The following NDC80 variants were observed in gnomAD, a reference collection of about 807,000 sequenced individuals.
NDC80 encodes the protein kinetochore protein NDC80 homolog.
A neutral mutation model predicts 89.3 loss-of-function variants in NDC80; 69 were observed. The observed-to-expected ratio is 0.77, with a 90% CI of 0.64 to 0.94. The LOEUF is 0.94. NDC80 is among the 40% of genes least tolerant of loss of function. The probability of loss-of-function intolerance (pLI) is 0.00; values close to 1 mark genes in which losing one functional copy is unlikely to be tolerated. For synonymous variants in NDC80, 243 were observed against 255.6 expected (o/e 0.95, Z 0.47); for missense variants, 593 against 739.6 (o/e 0.80, Z 2.30).
chr18:2,586,058 T>C (rs2072601638), intron 7 of NDC80, among the ~76,000 whole-genome samples: 1 of 152,226 alleles, frequency 6.6e-6, no homozygotes, highest in South Asian at 2.1e-4. Context: ...TAATACTTCC[T>C]AGCATACATA....
intron 6 of NDC80, among the ~76,000 whole-genome samples, chr18:2,579,969 G>A (rs2072567744): frequency 6.6e-6 from 1 of 151,996 alleles, no homozygotes; most frequent in South Asian, 2.1e-4. Flanking sequence ...GTATATGTGT[G>A]TATGTATATA....
intron 5 of NDC80, 86 bp downstream of exon 5, chr18:2,578,227 C>T (rs1485530502): frequency 2.3e-6 from 3 of 1,324,228 alleles, no homozygotes; most frequent in Non-Finnish European, 3.1e-6. Context: ...GTTTGAGTTA[C>T]AGAAATAATA....
chr18:2,576,014 A>G (rs2072544763), intron 3 of NDC80, among the ~76,000 whole-genome samples: 1 of 149,804 alleles, frequency 6.7e-6, no homozygotes, highest in African/African-American at 2.4e-5. Flanking sequence ...CAGGAGGTTT[A>G]CTTGAGCCCA....
chr18:2,578,195 A>C, intron 5 of NDC80, 54 bp downstream of exon 5: 1 of 1,494,762 alleles, frequency 6.7e-7, no homozygotes, highest in South Asian at 1.2e-5. Flanking sequence ...GAGATGAAAC[A>C]AATTAAATCA....
At chr18:2,593,150 G>T (rs886673614) in intron 10 of NDC80, among the ~76,000 whole-genome samples, 2 of 150,846 alleles carry the variant, frequency 1.3e-5, no homozygotes, top group African/African-American at 4.9e-5. Flanking sequence ...TGTCTCCTGG[G>T]TTCAAGCGAT....
chr18:2,594,631 G>A lies in NDC80; in HGVS notation c.1016-785G>A, dbSNP rs149657732. On this transcript the variant is annotated intron_variant, in intron 10 of 16. Transcript: ENST00000261597. ...AAGTCAGTTCATTTTCTCATTTGCC[G>A]TGGCACAATCCCCACTTCTAGGCAA... 1,464 of 157,372 alleles carry A rather than the reference G, an allele frequency of 9.3e-3. 20 individuals are homozygous for A. Among genetic ancestry groups the A allele is most frequent in the Non-Finnish European group, 0.016 (1,138 of 69,952 alleles). The allele number at this position is 157,372 out of a possible 1,614,324, so 9.7% of individuals were successfully genotyped here. A position where few individuals can be genotyped will look rare whatever the true frequency, so the allele number is the denominator to read the frequency against.
chr18:2,615,315 G>A (rs542943906), intron 16 of NDC80: 3 of 152,300 alleles, frequency 2.0e-5, no homozygotes, highest in South Asian at 2.1e-4. Context: ...AGTTATTAAG[G>A]TTAGTCTAAA....
At chr18:2,610,706 G>A (rs536971324) in intron 15 of NDC80, 53 bp from the exon 16 acceptor site, 9 of 1,193,808 alleles carry the variant, frequency 7.5e-6, no homozygotes, top group Middle Eastern at 2.0e-4. Context: ...TAACTAGAAC[G>A]GATGTATTAA....
intron 14 of NDC80, among the ~76,000 whole-genome samples, chr18:2,607,998 T>TAAAA (rs1555618991): frequency 7.9e-6 from 1 of 126,932 alleles, no homozygotes; most frequent in Non-Finnish European, 1.7e-5. Context: ...TATATATATA[T>TAAAA]AACTTATTTA....
Position 2,596,641 on chromosome 18 carries a change from A to G in NDC80, c.1221+1020A>G, listed in dbSNP as rs1467815615. On this transcript the variant is annotated intron_variant, in intron 11 of 16. Transcript: ENST00000261597. ...GGCGATTCCTCAGGGATCTAGAACT[A>G]GAAATACCATTTGACCCAGCCATCC... 1.1e-4 allele frequency among the ~76,000 whole-genome samples: 16 copies of G among 151,226 alleles called. No individual in the cohort carries two copies. The East Asian group carries it at 2.5e-3, about 24-fold the overall frequency.
chr18:2,614,636 A>G (rs1306125972), intron 16 of NDC80, among the ~76,000 whole-genome samples: 1 of 92,456 alleles, frequency 1.1e-5, no homozygotes, highest in Non-Finnish European at 2.4e-5. Context: ...AAAGAAAGAA[A>G]GAAAGAAAGA....
intron 16 of NDC80, among the ~76,000 whole-genome samples, chr18:2,614,250 A>C (rs2072759648): frequency 6.6e-6 from 1 of 152,130 alleles, no homozygotes; most frequent in South Asian, 2.1e-4. Context: ...CATCCTGGCC[A>C]ACATGGTGAA....
In NDC80 at chr18:2,585,123, C is replaced by T. The variant is rs547256306; in HGVS notation, c.590C>T (p.Ala197Val). 6.2e-7 allele frequency: 1 copy of T among 1,612,360 alleles called. No homozygotes were observed. Among genetic ancestry groups the T allele is most frequent in the African/African-American group, 1.3e-5 (1 of 74,966 alleles). The change falls in exon 7 of 17, where the codon GCC becomes GTC. Residue 197 changes from alanine (A) to valine (V), a missense_variant. Coordinates refer to ENST00000261597, the MANE Select transcript of NDC80 (RefSeq NM_006101.3). ...WLIDCIKIHT[A>V]MKESSPLFDD... ...TTGTGTACTAATTAGATACATACTG[C>T]CATGAAAGAAAGCTCACCTTTATTT...
At chr18:2,579,106 CT>C in intron 6 of NDC80, 77 bp downstream of exon 6, 2 of 807,378 alleles carry the variant, frequency 2.5e-6, no homozygotes, top group Non-Finnish European at 1.8e-6. Flanking sequence ...CTCTCCCAGT[CT>C]TTTGACAGTA....
chr18:2,597,922 A>G (rs1480250070), intron 11 of NDC80, among the ~76,000 whole-genome samples: 2 of 152,100 alleles, frequency 1.3e-5, no homozygotes, highest in South Asian at 2.1e-4. Flanking sequence ...AGGAATGGGG[A>G]TGGATGTGTT....
At chr18:2,600,285 G>GT (rs1260825519) in intron 12 of NDC80, among the ~76,000 whole-genome samples, 5 of 152,310 alleles carry the variant, frequency 3.3e-5, no homozygotes, top group African/African-American at 9.6e-5. Context: ...AAAGCCAAGT[G>GT]TTATAAGTAG....
In NDC80 at chr18:2,590,163, G is replaced by A. The variant is rs771711196; in HGVS notation, c.1015+1G>A. ...CTCAATGAGGAAATTGCTAGAGTAG[G>A]TAAGCAGAGCTAATGCTAAAAGACT... On this transcript the variant is annotated splice_donor_variant, in intron 10 of 16. Transcript: ENST00000261597. LOFTEE classifies it high-confidence loss of function. The A allele has an allele frequency of 2.5e-6, 4 of 1,586,720 alleles. No homozygotes were observed. The highest frequency in any genetic ancestry group is 3.4e-6 in the Non-Finnish European group (4 of 1,168,884).
intron 6 of NDC80, among the ~76,000 whole-genome samples, chr18:2,584,130 A>T (rs2072592007): frequency 6.6e-6 from 1 of 151,896 alleles, no homozygotes; most frequent in South Asian, 2.1e-4. Flanking sequence ...TCTACTGAAA[A>T]TATAAAAATT....
chr18:2,590,171 A>G lies in NDC80; in HGVS notation c.1015+9A>G. 1 of 1,568,620 alleles carries G rather than the reference A, an allele frequency of 6.4e-7. No homozygotes were observed. The highest frequency in any genetic ancestry group is 8.6e-7 in the Non-Finnish European group (1 of 1,160,106). On this transcript the variant is annotated intron_variant, in intron 10 of 16. Transcript: ENST00000261597. The stretch of plus-strand genomic sequence containing the variant: ...GGAAATTGCTAGAGTAGGTAAGCAG[A>G]GCTAATGCTAAAAGACTGGGATGCG...
Sources: gnomAD v4.1 joint callset for allele counts (sites outside exome capture counted in the v4.1 genomes callset) on GRCh38, gnomAD v4.1.1 for gene constraint, MANE v1.5 for transcripts, NCBI Gene and HGNC (gene_info 2026-07-23, HGNC 2026-07-21) for gene names.